GRP: variants seen among roughly 807,000 people sequenced by gnomAD.
GRP encodes gastrin releasing peptide, also known as gastrin-releasing peptide.
Under a neutral mutation model 12.7 loss-of-function variants are expected in GRP, and 11 were observed. That is an observed-to-expected ratio of 0.87 (90% CI 0.55 to 1.44). GRP has a LOEUF of 1.44. GRP is among the 40% of genes most tolerant of loss of function. The pLI, the probability that GRP is intolerant of heterozygous loss-of-function variation, is 0.00. For missense variants in GRP, 212 were observed against 185.4 expected (o/e 1.14, Z -0.83); for synonymous variants, 84 against 77.7 (o/e 1.08, Z -0.43).
intron 2 of GRP, among the ~76,000 whole-genome samples, chr18:59,229,326 C>T (rs1439792065): frequency 6.6e-6 from 1 of 152,082 alleles, no homozygotes; most frequent in Non-Finnish European, 1.5e-5. Context: ...CCAAACCTCT[C>T]TTATTCAATA....
At chr18:59,222,232 G>A (rs1413436670) in intron 1 of GRP, among the ~76,000 whole-genome samples, 2 of 152,204 alleles carry the variant, frequency 1.3e-5, no homozygotes, top group Admixed American at 6.5e-5. Flanking sequence ...GAGTGGCATC[G>A]TGTTATTTCT....
At chr18:59,219,963 G>T (rs1354096793), upstream of GRP, among the ~76,000 whole-genome samples, 1 of 152,108 alleles carries the variant, frequency 6.6e-6, no homozygotes, top group Non-Finnish European at 1.5e-5. Context: ...ACGGGGCTAC[G>T]AGGAAAAAAG....
rs869258422 is a variant in GRP at position 59,227,053 on chromosome 18, C to CT, written c.382+1321dup. Among the ~76,000 whole-genome samples, 140 of 104,918 alleles carry CT rather than the reference C, an allele frequency of 1.3e-3. 4 individuals are homozygous for CT. The highest frequency in any genetic ancestry group is 5.0e-3 in the African/African-American group (129 of 26,008). The allele number at this position is 104,918 out of a possible 152,430, so 68.8% of individuals were successfully genotyped here. A position where few individuals can be genotyped will look rare whatever the true frequency, so the allele number is the denominator to read the frequency against. On this transcript the variant is annotated intron_variant, in intron 2 of 2. Transcript: ENST00000256857. ...TCTTTCTTTCTTTCTTTCTTTCTTT[C>CT]TTCCTTTCTTTCTTTTCTTTCCTTT...
intron 1 of GRP, among the ~76,000 whole-genome samples, chr18:59,220,888 T>G (rs58243876): frequency 0.041 from 6,232 of 152,136 alleles, 196 homozygotes; most frequent in African/African-American, 0.089. Context: ...GCGCCTATGC[T>G]CCCCGCAAAG....
intron 2 of GRP, among the ~76,000 whole-genome samples, chr18:59,227,339 T>C (rs2069960061): frequency 6.6e-6 from 1 of 152,188 alleles, no homozygotes; most frequent in Non-Finnish European, 1.5e-5. Flanking sequence ...ATACCAACTT[T>C]GTACAAAACC....
chr18:59,222,006 A>C (rs1443782413), intron 1 of GRP, among the ~76,000 whole-genome samples: 1 of 152,152 alleles, frequency 6.6e-6, no homozygotes, highest in African/African-American at 2.4e-5. Flanking sequence ...GGTGTTGAAG[A>C]ATCCAAACTT....
At chr18:59,230,327 C>T in intron 2 of GRP, 77 bp from the exon 3 acceptor site, 1 of 855,076 alleles carries the variant, frequency 1.2e-6, no homozygotes, top group Non-Finnish European at 2.0e-6. Context: ...ATGCTGATGA[C>T]TTGTAGGAAT....
chr18:59,225,862 C>A, intron 2 of GRP, 128 bp downstream of exon 2: 1 of 766,136 alleles, frequency 1.3e-6, no homozygotes, highest in Non-Finnish European at 2.1e-6. Flanking sequence ...ATTAGGCTAA[C>A]ACATGCTAAG....
At chr18:59,225,430 C>A (rs1329826028) in intron 1 of GRP, 62 bp from the exon 2 acceptor site, 65 of 1,493,618 alleles carry the variant, frequency 4.4e-5, no homozygotes, top group Non-Finnish European at 5.7e-5. Flanking sequence ...TTTTAAATTT[C>A]TCATTCATTC....
At chr18:59,227,028 T>TCTTCCTTC (rs2069945813) in intron 2 of GRP, among the ~76,000 whole-genome samples, 1 of 145,030 alleles carries the variant, frequency 6.9e-6, no homozygotes, top group Non-Finnish European at 1.5e-5. Context: ...TTTCTTTCTT[T>TCTTCCTTC]CTTTCTTTCT....
chr18:59,227,753 T>A (rs1401853010), intron 2 of GRP, among the ~76,000 whole-genome samples: 1 of 152,224 alleles, frequency 6.6e-6, no homozygotes, highest in South Asian at 2.1e-4. Context: ...GCTCTGCATA[T>A]CTTTGGAATC....
At chr18:59,226,939 TTTTC>T (rs1251111719) in intron 2 of GRP, among the ~76,000 whole-genome samples, 2 of 151,970 alleles carry the variant, frequency 1.3e-5, no homozygotes, top group East Asian at 1.9e-4. Context: ...TTTTTTTCTT[TTTTC>T]TTTCTTCCTT....
At chr18:59,224,994 T>TA (rs1003710762) in intron 1 of GRP, among the ~76,000 whole-genome samples, 39 of 152,298 alleles carry the variant, frequency 2.6e-4, no homozygotes, top group African/African-American at 9.1e-4. Context: ...GAAATATTTT[T>TA]AAAAAACCAC....
At position 59,225,739 on chromosome 18, in the gene GRP, A is replaced by G; in HGVS notation, c.382+5A>G. Reference sequence around the variant, plus strand: ...ATGTAGGTTCAAAAGGCAAAGGTAAAAGAAACATACATGCAAGATGGGGTG... The same window carrying G: ...ATGTAGGTTCAAAAGGCAAAGGTAAGAGAAACATACATGCAAGATGGGGTG... On this transcript the variant is annotated splice_donor_5th_base_variant and intron_variant, in intron 2 of 2. Coordinates refer to ENST00000256857, the MANE Select transcript of GRP (RefSeq NM_002091.5). 6.2e-7 allele frequency: 1 copy of G among 1,613,430 alleles called. No individual in the cohort carries two copies. Among genetic ancestry groups the G allele is most frequent in the Non-Finnish European group, 8.5e-7 (1 of 1,179,650 alleles).
upstream of GRP, chr18:59,220,116 G>GC: frequency 5.3e-6 from 1 of 189,430 alleles, no homozygotes; most frequent in Non-Finnish European, 1.1e-5. Context: ...CAGCCCCCCC[G>GC]CCCGGGCTTC....
At chr18:59,224,468 C>T (rs1222948069) in intron 1 of GRP, among the ~76,000 whole-genome samples, 1 of 152,164 alleles carries the variant, frequency 6.6e-6, no homozygotes, top group Non-Finnish European at 1.5e-5. Context: ...GTGTTGGAAC[C>T]ACAAAGACCT....
In GRP at chr18:59,220,273, G is replaced by A. The variant is rs1456647466; in HGVS notation, c.8G>A (p.Gly3Asp). MR[G>D]RELPLVLLAL... ...GGGCTTCCCGTCGGGACCATGCGCG[G>A]CCGTGAGCTCCCGCTGGTCCTGCTG... Residue 3 changes from glycine to aspartate, a missense_variant, in exon 1 of 3, where the codon GGC (glycine) becomes GAC (aspartate). Transcript: ENST00000256857. 2.0e-6 allele frequency: 3 copies of A among 1,505,284 alleles called. No homozygotes were observed. Among genetic ancestry groups the A allele is most frequent in the Non-Finnish European group, 2.7e-6 (3 of 1,131,854 alleles). 93.2% of individuals were successfully genotyped at this position (1,505,284 alleles called of 1,614,324 possible).
upstream of GRP, chr18:59,220,144 C>T (rs2069802303): frequency 1.6e-6 from 1 of 638,916 alleles, no homozygotes; most frequent in Non-Finnish European, 2.4e-6. Flanking sequence ...AGTAGGGGCC[C>T]TAGTGGAGGC....
intron 1 of GRP, among the ~76,000 whole-genome samples, chr18:59,221,032 A>G (rs2069824061): frequency 6.6e-6 from 1 of 152,196 alleles, no homozygotes; most frequent in Non-Finnish European, 1.5e-5. Context: ...TTGCAGCGAT[A>G]TTCTTTTCCC....
Sources: allele counts gnomAD v4.1 joint callset (sites outside exome capture counted in the v4.1 genomes callset), GRCh38; gene constraint gnomAD v4.1.1; transcripts MANE v1.5; gene names NCBI Gene and HGNC (gene_info 2026-07-23, HGNC 2026-07-21).